PAQR3: variants seen among roughly 807,000 people sequenced by gnomAD.
PAQR3 encodes progestin and adipoQ receptor family member 3.
A neutral mutation model predicts 41.7 loss-of-function variants in PAQR3; 39 were observed. The ratio of observed to expected loss-of-function variants is 0.93; its 90% CI spans 0.72 to 1.22. The LOEUF is 1.22. Among genes scored for constraint, PAQR3 ranks in the 50% most tolerant of loss-of-function variants. The pLI is 0.00. For synonymous variants in PAQR3, 140 were observed against 140.6 expected (o/e 1.00, Z 0.03); for missense variants, 366 against 385.6 (o/e 0.95, Z 0.42).
rs1159240819 is a variant in PAQR3 at position 78,938,988 on chromosome 4, AG to A, written c.185+51del. On this transcript the variant is annotated intron_variant, in intron 1 of 5. Coordinates refer to ENST00000512733, the MANE Select transcript of PAQR3 (RefSeq NM_001040202.2). ...AAAGCAGAAGGGGGACCAGACAAAA[AG>A]GGTGTAGGTGAGAGAAGGGGGCACT... The A allele has an allele frequency of 1.6e-5, 23 of 1,462,882 alleles. No individual in the cohort carries two copies. In the East Asian group the frequency reaches 5.5e-4, roughly 35 times the overall value. The allele number at this position is 1,462,882 out of a possible 1,614,324, so 90.6% of individuals were successfully genotyped here.
chr4:78,898,701 C>A (rs2110090871), intron 11 of PAQR3, among the ~76,000 whole-genome samples: 1 of 147,458 alleles, frequency 6.8e-6, no homozygotes, highest in South Asian at 2.2e-4. Context: ...TGGTCTGCAA[C>A]AAAATGACTA....
In PAQR3 at chr4:78,914,759, A is replaced by C. The variant is rs1734902558; in HGVS notation, c.*5780T>G. Reference sequence around the variant, plus strand: ...ATATATTTGGGGTTTTTTTTCCCTAATATTATTTGGGTGTCCCCTGTGCTT... The same window carrying C: ...ATATATTTGGGGTTTTTTTTCCCTACTATTATTTGGGTGTCCCCTGTGCTT... On this transcript the variant is annotated 3_prime_UTR_variant, in exon 6 of 6. Coordinates refer to ENST00000512733, the MANE Select transcript of PAQR3 (RefSeq NM_001040202.2). 1 of 150,616 alleles carries C rather than the reference A, an allele frequency of 6.6e-6. No homozygotes were observed. The highest frequency in any genetic ancestry group is 2.4e-5 in the African/African-American group (1 of 40,976). 9.3% of individuals were successfully genotyped at this position (150,616 alleles called of 1,614,324 possible).
intron 11 of PAQR3, among the ~76,000 whole-genome samples, chr4:78,888,795 G>A: frequency 6.6e-6 from 1 of 152,154 alleles, no homozygotes; most frequent in East Asian, 1.9e-4. Flanking sequence ...AATATGAATT[G>A]TCTATCTTTG....
At chr4:78,894,732 T>C (rs1733615771) in intron 11 of PAQR3, among the ~76,000 whole-genome samples, 1 of 152,218 alleles carries the variant, frequency 6.6e-6, no homozygotes, top group South Asian at 2.1e-4. Flanking sequence ...TTCACTTGGC[T>C]AACTGGTGCA....
chr4:78,897,432 C>G (rs62307967), intron 11 of PAQR3, among the ~76,000 whole-genome samples: 11,353 of 151,492 alleles, frequency 0.075, 606 homozygotes, highest in East Asian at 0.22. Context: ...AAATGTGTCT[C>G]TGCTATAATT....
rs1391079461 is a variant in PAQR3, at chr4:78,916,870, G to A, written c.*3669C>T. ...ATTGATGGACTAAGCTTGGCATCAA[G>A]GTTATAATATGTATTATTCCAAAAA... On this transcript the variant is annotated 3_prime_UTR_variant, in exon 6 of 6. Coordinates refer to ENST00000512733, the MANE Select transcript of PAQR3 (RefSeq NM_001040202.2). 1 of 151,744 alleles carries A rather than the reference G, an allele frequency of 6.6e-6. No homozygotes were observed. The highest frequency in any genetic ancestry group is 1.5e-5 in the Non-Finnish European group (1 of 67,838). 9.4% of individuals were successfully genotyped at this position (151,744 alleles called of 1,614,324 possible). A position where few individuals can be genotyped will look rare whatever the true frequency, so the allele number is the denominator to read the frequency against.
At chr4:78,887,224 G>C in exon 13 of PAQR3, 5 of 1,611,874 alleles carry the variant, frequency 3.1e-6, no homozygotes, top group Non-Finnish European at 4.2e-6. Context: ...CTCACTTTCT[G>C]CTCCACATAA....
At chr4:78,898,390 G>A (rs563284254) in intron 11 of PAQR3, among the ~76,000 whole-genome samples, 14 of 151,970 alleles carry the variant, frequency 9.2e-5, no homozygotes, top group African/African-American at 3.1e-4. Context: ...TTAGATTCTA[G>A]TGTATGATTC....
At chr4:78,926,146 T>G (rs1269476720) in intron 4 of PAQR3, among the ~76,000 whole-genome samples, 1 of 152,114 alleles carries the variant, frequency 6.6e-6, no homozygotes, top group Non-Finnish European at 1.5e-5. Flanking sequence ...CCCTAAAAGA[T>G]CAACTGCTCC....
At chr4:78,924,079 C>T (rs1735944673) in intron 4 of PAQR3, 132 bp from the exon 5 acceptor site, 2 of 697,864 alleles carry the variant, frequency 2.9e-6, no homozygotes, top group Non-Finnish European at 4.9e-6. Flanking sequence ...ATAATAGAAA[C>T]CTTGTCCTCA....
rs531092582 is a variant in PAQR3, at chr4:78,931,959, C to T, written c.349-1634G>A. 2.6e-5 allele frequency among the ~76,000 whole-genome samples: 4 copies of T among 152,244 alleles called. No individual in the cohort carries two copies. In the East Asian group the frequency reaches 7.7e-4, roughly 29 times the overall value. On this transcript the variant is annotated intron_variant, in intron 2 of 5. Coordinates refer to ENST00000512733, the MANE Select transcript of PAQR3 (RefSeq NM_001040202.2). ...GAGGTGTGGACTAGAAGGGCTGAAA[C>T]AGGAGGTTACAGAAATAGCCCTGGA...
At chr4:78,903,315 C>T (rs552291160) in intron 11 of PAQR3, among the ~76,000 whole-genome samples, 1 of 152,116 alleles carries the variant, frequency 6.6e-6, no homozygotes, top group East Asian at 1.9e-4. Flanking sequence ...TCACTAGAGT[C>T]AGATTAGCAT....
chr4:78,909,363 A>T (rs550819143), downstream of PAQR3, among the ~76,000 whole-genome samples: 4 of 55,574 alleles, frequency 7.2e-5, no homozygotes, highest in African/African-American at 2.2e-4. Flanking sequence ...TAGAGCAGTC[A>T]TTTTTTTTTA....
downstream of PAQR3, among the ~76,000 whole-genome samples, chr4:78,907,770 T>C (rs1734360733): frequency 6.6e-6 from 1 of 152,144 alleles, no homozygotes; most frequent in African/African-American, 2.4e-5. Context: ...CTGTTTGTCT[T>C]GGTTCTTGTT....
chr4:78,908,818 T>C (rs980550355), downstream of PAQR3, among the ~76,000 whole-genome samples: 3 of 152,162 alleles, frequency 2.0e-5, no homozygotes, highest in African/African-American at 7.2e-5. Context: ...ACATGAGATA[T>C]GTTGATACAG....
Position 78,887,282 on chromosome 4 carries a change from C to T in PAQR3, c.*952G>A. On this transcript the variant is annotated 3_prime_UTR_variant and NMD_transcript_variant, in exon 13 of 13. Coordinates refer to the PAQR3 transcript ENST00000342820. The stretch of plus-strand genomic sequence containing the variant: ...GGTTCTGTTCCTTTCATTTCTCATT[C>T]AGGCAAGTTACACATGTAACATCAT... The T allele has an allele frequency of 6.3e-7, 1 of 1,597,444 alleles. No individual in the cohort carries two copies. The highest frequency in any genetic ancestry group is 8.6e-7 in the Non-Finnish European group (1 of 1,168,956).
In PAQR3 at chr4:78,918,583, A is replaced by G; in HGVS notation, c.*1956T>C. On this transcript the variant is annotated 3_prime_UTR_variant, in exon 6 of 6. Coordinates refer to ENST00000512733, the MANE Select transcript of PAQR3 (RefSeq NM_001040202.2). ...TACAGAAAGACCTGTACACCCTTTA[A>G]ATTCAAAGAAACACGGATTTAAAAA... The G allele has an allele frequency of 1.0e-6, 1 of 973,962 alleles. No homozygotes were observed. The highest frequency in any genetic ancestry group is 1.2e-6 in the Non-Finnish European group (1 of 819,172). 60.3% of individuals were successfully genotyped at this position (973,962 alleles called of 1,614,324 possible).
chr4:78,926,703 A>G lies in PAQR3; in HGVS notation c.520T>C (p.Tyr174His). The change falls in exon 4 of 6, where the codon TAC (tyrosine) becomes CAC (histidine). Residue 174 changes from tyrosine to histidine, a missense_variant. By Grantham distance (83) the Tyr-to-His change is moderately conservative. Transcript: ENST00000512733. ...FYCNNYWRQV[Y>H]LITVLAMILA... ...ATCATAGCAAGCACTGTGATCAAGT[A>G]CACCTGACGCCAGTACTAGAATGAA... is the stretch of plus-strand genomic sequence containing the variant. The G allele has an allele frequency of 6.2e-7, 1 of 1,613,866 alleles. No individual in the cohort carries two copies. The highest frequency in any genetic ancestry group is 8.5e-7 in the Non-Finnish European group (1 of 1,179,730).
intron 5 of PAQR3, chr4:78,922,916 C>G (rs544994185): frequency 2.2e-6 from 1 of 456,140 alleles, no homozygotes; most frequent in African/African-American, 2.0e-5. Context: ...CAAGCAAATA[C>G]AGGTTTTGGA....
Sources: gnomAD v4.1 joint callset for allele counts (sites outside exome capture counted in the v4.1 genomes callset) on GRCh38, gnomAD v4.1.1 for gene constraint, MANE v1.5 for transcripts, NCBI Gene and HGNC (gene_info 2026-07-23, HGNC 2026-07-21) for gene names.